Variants in FSCN2 observed in about 807,000 individuals in gnomAD.
FSCN2 encodes fascin-2.
Under a neutral mutation model 37.8 loss-of-function variants are expected in FSCN2, and 46 were observed. The ratio of observed to expected loss-of-function variants is 1.22; its 90% CI spans 0.96 to 1.56. The LOEUF (loss-of-function observed/expected upper bound fraction) is 1.56. Ranked by LOEUF, FSCN2 falls within the 40% of genes most tolerant of loss-of-function variation. The pLI, the probability that FSCN2 is intolerant of heterozygous loss-of-function variation, is 0.00. For synonymous variants in FSCN2, 351 were observed against 309.4 expected (o/e 1.13, Z -1.41); for missense variants, 844 against 730.4 (o/e 1.16, Z -1.79).
intron 1 of FSCN2, among the ~76,000 whole-genome samples, chr17:81,531,462 ATGATGG>A (rs1328671513): frequency 5.7e-5 from 2 of 34,938 alleles, no homozygotes; most frequent in African/African-American, 2.2e-4. Context: ...GGTGATGGTG[ATGATGG>A]TGGTGGTGGT....
At position 81,528,430 on chromosome 17, in the gene FSCN2, T is replaced by C. The variant is rs1555670442; in HGVS notation, c.-102T>C. ...CGTGACGCCGGCTGGGTCTGGGGGCTGTGGGCCAGCCGAGCCGACCCGGGC... is the reference window on the plus strand; with the variant it reads ...CGTGACGCCGGCTGGGTCTGGGGGCCGTGGGCCAGCCGAGCCGACCCGGGC... On this transcript the variant is annotated 5_prime_UTR_variant, in exon 1 of 5. Coordinates refer to ENST00000417245, the MANE Select transcript of FSCN2 (RefSeq NM_012418.4). 107 of 843,792 alleles carry C rather than the reference T, an allele frequency of 1.3e-4. No homozygotes were observed. Among genetic ancestry groups the C allele is most frequent in the Non-Finnish European group, 1.9e-6 (1 of 538,602 alleles). The allele number at this position is 843,792 out of a possible 1,614,324, so 52.3% of individuals were successfully genotyped here.
chr17:81,516,109 G>C, the FSCN2 span, among the ~76,000 whole-genome samples: 1 of 152,254 alleles, frequency 6.6e-6, no homozygotes, highest in Non-Finnish European at 1.5e-5. Flanking sequence ...CTTCCAAAGT[G>C]CTGGGATTAC....
intron 1 of FSCN2, among the ~76,000 whole-genome samples, chr17:81,531,725 G>GAT (rs1568078039): frequency 2.9e-5 from 3 of 104,498 alleles, no homozygotes; most frequent in Non-Finnish European, 3.8e-5. Flanking sequence ...TGGTGGTGAT[G>GAT]GTGATGGTGA....
At chr17:81,535,019 G>A in intron 1 of FSCN2, 33 bp from the exon 2 acceptor site, 1 of 1,501,020 alleles carries the variant, frequency 6.7e-7, no homozygotes, top group Non-Finnish European at 8.9e-7. Context: ...ACCCAGGAGA[G>A]GCGTGAGGGG....
intron 2 of FSCN2, 100 bp from the exon 3 acceptor site, chr17:81,536,046 G>C: frequency 6.9e-7 from 1 of 1,443,316 alleles, no homozygotes; most frequent in Non-Finnish European, 9.4e-7. Flanking sequence ...TGGAGGGCAG[G>C]CTTCTGTCCC....
At chr17:81,533,765 G>C (rs1290689247) in intron 1 of FSCN2, among the ~76,000 whole-genome samples, 1 of 152,214 alleles carries the variant, frequency 6.6e-6, no homozygotes, top group African/African-American at 2.4e-5. Flanking sequence ...CATGTCCCCG[G>C]AAGCAGGTGG....
At chr17:81,521,131 G>A in the FSCN2 span, among the ~76,000 whole-genome samples, 3 of 151,918 alleles carry the variant, frequency 2.0e-5, no homozygotes, top group Admixed American at 1.3e-4. Context: ...GCAATGGTGC[G>A]ATCTTGGCCC....
intron 1 of FSCN2, among the ~76,000 whole-genome samples, chr17:81,533,952 C>T (rs937372684): frequency 2.0e-5 from 3 of 152,160 alleles, no homozygotes. Flanking sequence ...CCTGCGGGCT[C>T]CTGCTGCCCC....
the FSCN2 span, among the ~76,000 whole-genome samples, chr17:81,521,008 A>G: frequency 2.0e-5 from 3 of 152,058 alleles, no homozygotes; most frequent in Non-Finnish European, 2.9e-5. Context: ...CTTGACTTCT[A>G]ACCCTTCAGC....
At chr17:81,515,816 A>T in the FSCN2 span, among the ~76,000 whole-genome samples, 1 of 152,248 alleles carries the variant, frequency 6.6e-6, no homozygotes, top group African/African-American at 2.4e-5. Context: ...CTGTCACTCT[A>T]CCTGCCTGGA....
chr17:81,532,804 G>A (rs954061135), intron 1 of FSCN2, among the ~76,000 whole-genome samples: 1 of 151,454 alleles, frequency 6.6e-6, no homozygotes, highest in Non-Finnish European at 1.5e-5. Context: ...GGAGGGATGG[G>A]GACTGTATGG....
Position 81,528,731 on chromosome 17 carries a change from G to A in FSCN2, c.200G>A (p.Arg67His), listed in dbSNP as rs781957680. Residue 67 changes from arginine (R) to histidine (H), a missense_variant, in exon 1 of 5, where the codon CGC becomes CAC. Coordinates refer to ENST00000417245, the MANE Select transcript of FSCN2 (RefSeq NM_012418.4). ...AVLLRSSHLG[R>H]YLSAEEDGRV... ...CTGCTCCGCAGCAGCCACCTGGGCCGCTACCTGTCGGCAGAAGAGGACGGG... is the reference window on the plus strand; with the variant it reads ...CTGCTCCGCAGCAGCCACCTGGGCCACTACCTGTCGGCAGAAGAGGACGGG... 1.1e-5 allele frequency: 18 copies of A among 1,594,604 alleles called. No homozygotes were observed. The East Asian group carries it at 1.1e-4, about 10-fold the overall frequency.
the FSCN2 span, among the ~76,000 whole-genome samples, chr17:81,519,606 G>A: frequency 6.6e-6 from 1 of 152,168 alleles, no homozygotes. Flanking sequence ...AGGGACCCCC[G>A]CTCCTCCCTC....
At chr17:81,526,068 G>A (rs2032340561), upstream of FSCN2, among the ~76,000 whole-genome samples, 2 of 152,248 alleles carry the variant, frequency 1.3e-5, no homozygotes, top group African/African-American at 4.8e-5. Context: ...CCACCAAGAG[G>A]CTGCCCAGAG....
chr17:81,535,872 CCCATCCCCATCTCCATCTTCA>C (rs1217674769), intron 2 of FSCN2, among the ~76,000 whole-genome samples: 1 of 137,982 alleles, frequency 7.2e-6, no homozygotes, highest in Non-Finnish European at 1.6e-5. Flanking sequence ...CCTCTCCATC[CCCATCCCCATCTCCATCTTCA>C]CCATCCCCAC....
At position 81,535,178 on chromosome 17, in the gene FSCN2, A is replaced by C. The variant is rs1210468325; in HGVS notation, c.953A>C (p.His318Pro). Residue 318 changes from histidine (H) to proline (P), a missense_variant, in exon 2 of 5, where the codon CAT (histidine) becomes CCT (proline). His to Pro is a moderately conservative substitution (Grantham distance 77). Transcript: ENST00000417245. Reference protein sequence around the residue: ...STGGYWTLVTHGGIHATATQV... With the variant: ...STGGYWTLVTPGGIHATATQV... Reference sequence around the variant, plus strand: ...GGGGGCTACTGGACCCTGGTCACCCATGGGGGCATTCACGCCACAGCCACA... The same window carrying C: ...GGGGGCTACTGGACCCTGGTCACCCCTGGGGGCATTCACGCCACAGCCACA... The C allele has an allele frequency of 3.3e-6, 5 of 1,533,148 alleles. No individual in the cohort carries two copies. Among genetic ancestry groups the C allele is most frequent in the Non-Finnish European group, 4.4e-6 (5 of 1,145,208 alleles). The allele number at this position is 1,533,148 out of a possible 1,614,324, so 95.0% of individuals were successfully genotyped here.
intron 1 of FSCN2, 181 bp downstream of exon 1, chr17:81,529,538 C>A: frequency 1.3e-6 from 1 of 769,676 alleles, no homozygotes; most frequent in Non-Finnish European, 2.3e-6. Context: ...GGGCCTCGGG[C>A]CATGCCCAGG....
At position 81,535,516 on chromosome 17, in the gene FSCN2, CCA is replaced by C. The variant is rs2032831736; in HGVS notation, c.983+310_983+311del. Among the ~76,000 whole-genome samples the C allele has an allele frequency of 8.0e-4, 4 of 5,000 alleles. No homozygotes were observed. In the Admixed American group the frequency reaches 0.011, roughly 14 times the overall value. 3.3% of individuals were successfully genotyped at this position (5,000 alleles called of 152,430 possible). On this transcript the variant is annotated intron_variant, in intron 2 of 4. Coordinates refer to ENST00000417245, the MANE Select transcript of FSCN2 (RefSeq NM_012418.4). ...ATCCCCATCACCACCATCCCCATCT[CCA>C]CCATCTCCATCACCATCATCACCAT...
In FSCN2 at chr17:81,531,702, A is replaced by G. The variant is rs1466954533; in HGVS notation, c.826+2345A>G. ...GATGATGGTGATGATGGTGATGGTGATGATGATAGTGATGGTGGTGATGGT... is the reference window on the plus strand; with the variant it reads ...GATGATGGTGATGATGGTGATGGTGGTGATGATAGTGATGGTGGTGATGGT... On this transcript the variant is annotated intron_variant, in intron 1 of 4. Coordinates refer to ENST00000417245, the MANE Select transcript of FSCN2 (RefSeq NM_012418.4). Among the ~76,000 whole-genome samples, 126 of 46,368 alleles carry G rather than the reference A, an allele frequency of 2.7e-3. 2 individuals carry two copies. The highest frequency in any genetic ancestry group is 0.013 in the African/African-American group (114 of 8,764). The allele number at this position is 46,368 out of a possible 152,430, so 30.4% of individuals were successfully genotyped here. A position where few individuals can be genotyped will look rare whatever the true frequency, so the allele number is the denominator to read the frequency against.
Sources: allele counts gnomAD v4.1 joint callset (sites outside exome capture counted in the v4.1 genomes callset), GRCh38; gene constraint gnomAD v4.1.1; transcripts MANE v1.5; gene names NCBI Gene and HGNC (gene_info 2026-07-23, HGNC 2026-07-21).